ANTXR1: variants seen among roughly 807,000 people sequenced by gnomAD.
ANTXR1 encodes ANTXR cell adhesion molecule 1.
ANTXR1 carries 19 observed loss-of-function variants against 78.1 expected under a neutral mutation model. The observed-to-expected ratio is 0.24, with a 90% confidence interval of 0.17 to 0.36. The LOEUF is 0.36. ANTXR1 is among the 10% of genes least tolerant of loss of function. ANTXR1 has a pLI of 1.00. For missense variants in ANTXR1, 518 were observed against 718.6 expected, an observed-to-expected ratio of 0.72 and a Z score of 3.19; for synonymous variants, 273 against 260.5, an observed-to-expected ratio of 1.05 and a Z score of -0.46.
intron 1 of ANTXR1, among the ~76,000 whole-genome samples, chr2:69,023,286 A>T (rs1671247743): frequency 6.6e-6 from 1 of 151,820 alleles, no homozygotes; most frequent in Admixed American, 6.6e-5. Context: ...ATGGTGGTGG[A>T]GGTGGACGTG....
At chr2:69,099,998 C>T (rs2104310082) in intron 9 of ANTXR1, among the ~76,000 whole-genome samples, 1 of 152,292 alleles carries the variant, frequency 6.6e-6, no homozygotes, top group African/African-American at 2.4e-5. Flanking sequence ...GGATAGATAA[C>T]TTAAAAGATT....
intron 3 of ANTXR1, among the ~76,000 whole-genome samples, chr2:69,068,059 C>T (rs1362649273): frequency 6.6e-6 from 1 of 152,180 alleles, no homozygotes; most frequent in African/African-American, 2.4e-5. Context: ...GGCCTCCTTC[C>T]ATATGGCCAA....
intron 16 of ANTXR1, chr2:69,182,874 G>T (rs921580433): frequency 1.6e-6 from 1 of 627,164 alleles, no homozygotes; most frequent in African/African-American, 1.8e-5. Context: ...AAAAATCACC[G>T]TGGTGCTCAC....
chr2:69,245,685 G>T lies in ANTXR1; in HGVS notation c.*200G>T. The T allele has an allele frequency of 2.9e-6, 2 of 689,356 alleles. No homozygotes were observed. The highest frequency in any genetic ancestry group is 4.8e-6 in the Non-Finnish European group (2 of 418,378). 42.7% of individuals were successfully genotyped at this position (689,356 alleles called of 1,614,324 possible). ...TAAATTGCCAGAAAACAAATGATGA[G>T]GCAACTACAGTCAGATTTATAGCCA... On this transcript the variant is annotated 3_prime_UTR_variant, in exon 18 of 18. Coordinates refer to ENST00000303714, the MANE Select transcript of ANTXR1 (RefSeq NM_032208.3).
chr2:69,052,219 A>G (rs1669950811), intron 3 of ANTXR1, among the ~76,000 whole-genome samples: 1 of 152,100 alleles, frequency 6.6e-6, no homozygotes, highest in Non-Finnish European at 1.5e-5. Flanking sequence ...ACACATTCAC[A>G]CACATACTTC....
At chr2:69,067,389 T>A (rs1292458686) in intron 3 of ANTXR1, among the ~76,000 whole-genome samples, 1 of 150,224 alleles carries the variant, frequency 6.7e-6, no homozygotes, top group Non-Finnish European at 1.5e-5. Flanking sequence ...CAGACTTTAT[T>A]TGGCAGGGAA....
At chr2:69,221,583 C>G (rs1267382942) in intron 17 of ANTXR1, among the ~76,000 whole-genome samples, 1 of 151,482 alleles carries the variant, frequency 6.6e-6, no homozygotes, top group Non-Finnish European at 1.5e-5. Context: ...CCTGGAGTCA[C>G]TGGATGGTGA....
chr2:69,083,088 C>T (rs1313075829), intron 8 of ANTXR1, among the ~76,000 whole-genome samples: 1 of 152,170 alleles, frequency 6.6e-6, no homozygotes, highest in Non-Finnish European at 1.5e-5. Context: ...GTCCCTTCCA[C>T]TCATGGGAAG....
At chr2:69,155,255 T>C (rs1041445546) in intron 13 of ANTXR1, among the ~76,000 whole-genome samples, 1 of 152,212 alleles carries the variant, frequency 6.6e-6, no homozygotes, top group Non-Finnish European at 1.5e-5. Context: ...AAACCTTTAG[T>C]GTTTCCCAGC....
At chr2:69,071,916 A>G in intron 5 of ANTXR1, 129 bp downstream of exon 5, 2 of 870,728 alleles carry the variant, frequency 2.3e-6, no homozygotes, top group East Asian at 2.6e-5. Context: ...TTAGACACAC[A>G]TTTCATCACA....
intron 9 of ANTXR1, among the ~76,000 whole-genome samples, chr2:69,102,005 A>G (rs1671637354): frequency 6.6e-6 from 1 of 152,256 alleles, no homozygotes; most frequent in Non-Finnish European, 1.5e-5. Context: ...TTAATCAAAC[A>G]TACATTATGC....
intron 3 of ANTXR1, among the ~76,000 whole-genome samples, chr2:69,059,829 T>C (rs1670182056): frequency 6.6e-6 from 1 of 152,230 alleles, no homozygotes; most frequent in African/African-American, 2.4e-5. Flanking sequence ...ATCCAAGGTA[T>C]GCCTGTAGAT....
intron 12 of ANTXR1, chr2:69,135,029 C>T (rs11903639): frequency 0.14 from 60,181 of 416,414 alleles, 5,254 homozygotes; most frequent in East Asian, 0.4. Context: ...TCATTAGAGA[C>T]GGTAAAAGAC....
chr2:69,236,649 TA>T (rs1675771339), intron 17 of ANTXR1, among the ~76,000 whole-genome samples: 1 of 152,238 alleles, frequency 6.6e-6, no homozygotes, highest in Non-Finnish European at 1.5e-5. Context: ...CAATTTGTTC[TA>T]AAACAATTGA....
At chr2:69,117,125 C>T (rs1215535736) in intron 10 of ANTXR1, among the ~76,000 whole-genome samples, 1 of 152,226 alleles carries the variant, frequency 6.6e-6, no homozygotes, top group African/African-American at 2.4e-5. Flanking sequence ...CCCTAGACCC[C>T]TCTCCTGGAA....
chr2:69,133,001 G>A (rs181432827), intron 12 of ANTXR1, among the ~76,000 whole-genome samples: 6 of 152,278 alleles, frequency 3.9e-5, no homozygotes, highest in South Asian at 2.1e-4. Context: ...CCAAAGACTC[G>A]TGAACCTTTA....
intron 17 of ANTXR1, among the ~76,000 whole-genome samples, chr2:69,194,887 G>A (rs562672904): frequency 2.6e-5 from 4 of 151,132 alleles, no homozygotes; most frequent in African/African-American, 7.3e-5. Flanking sequence ...AGAAATGCTC[G>A]GGCCGGGCGT....
intron 13 of ANTXR1, among the ~76,000 whole-genome samples, chr2:69,158,007 C>G (rs1326878576): frequency 2.6e-5 from 4 of 152,176 alleles, no homozygotes; most frequent in Non-Finnish European, 2.9e-5. Context: ...ACCTTCCCCT[C>G]CTGTGCAGGG....
intron 14 of ANTXR1, chr2:69,172,318 G>A (rs759371305): frequency 7.3e-6 from 11 of 1,500,644 alleles, no homozygotes. Context: ...CGTGTGTGTT[G>A]GCCCTGTGAG....
Sources: allele counts gnomAD v4.1 joint callset (sites outside exome capture counted in the v4.1 genomes callset), GRCh38; gene constraint gnomAD v4.1.1; transcripts MANE v1.5; gene names NCBI Gene and HGNC (gene_info 2026-07-23, HGNC 2026-07-21).